The following MYOT variants were observed in gnomAD, a reference collection of about 807,000 sequenced individuals.
MYOT encodes the protein myotilin.
Under a neutral mutation model 58.0 loss-of-function variants are expected in MYOT, and 36 were observed. The ratio of observed to expected loss-of-function variants is 0.62; its 90% CI spans 0.48 to 0.82. The LOEUF is 0.82. MYOT is among the 40% of genes least tolerant of loss of function. The probability of loss-of-function intolerance (pLI) is 0.00; values close to 1 mark genes in which losing one functional copy is unlikely to be tolerated. For missense variants in MYOT, 505 were observed against 592.1 expected (o/e 0.85, Z 1.53); for synonymous variants, 218 against 204.6 (o/e 1.07, Z -0.56).
rs971065325 is a variant in MYOT, at chr5:137,881,675, A to G, written c.684-298A>G. On this transcript the variant is annotated intron_variant, in intron 5 of 9. Transcript: ENST00000239926. Reference sequence around the variant, plus strand: ...ACACCACCACTATAGAAAAACGTCAAAAACTTAATTTGGATATTTTTATTT... The same window carrying G: ...ACACCACCACTATAGAAAAACGTCAGAAACTTAATTTGGATATTTTTATTT... Among the ~76,000 whole-genome samples, 5 of 152,172 alleles carry G rather than the reference A, an allele frequency of 3.3e-5. No individual in the cohort carries two copies. In the East Asian group the frequency reaches 9.6e-4, roughly 29 times the overall value.
chr5:137,884,235 G>A (rs1351166008), intron 7 of MYOT, among the ~76,000 whole-genome samples: 3 of 152,124 alleles, frequency 2.0e-5, no homozygotes, highest in Admixed American at 6.6e-5. Context: ...CACACCTATA[G>A]TCCCAGCTAC....
At chr5:137,883,056 C>A in intron 6 of MYOT, 2 of 282,042 alleles carry the variant, frequency 7.1e-6, no homozygotes, top group South Asian at 3.9e-5. Context: ...CACATTTAGC[C>A]AGAAAAGCAA....
intron 7 of MYOT, 94 bp downstream of exon 7, chr5:137,883,685 A>G: frequency 8.5e-7 from 1 of 1,170,800 alleles, no homozygotes; most frequent in South Asian, 1.3e-5. Flanking sequence ...CAGACTTCAT[A>G]TTTAAGGTTA....
intron 1 of MYOT, among the ~76,000 whole-genome samples, chr5:137,869,040 TCTAAA>T (rs1379865333): frequency 6.7e-6 from 1 of 148,374 alleles, no homozygotes; most frequent in African/African-American, 2.6e-5. Context: ...TTAATTTAAC[TCTAAA>T]CTACATAGGC....
rs1755636973 is a variant in MYOT, at chr5:137,887,367, T to C, written c.1479T>C (p.Tyr493=). The C allele has an allele frequency of 3.1e-6, 5 of 1,613,886 alleles. No homozygotes were observed. The Admixed American group carries it at 8.3e-5, about 27-fold the overall frequency. The change falls in exon 10 of 10, where the codon TAT becomes TAC. Residue 493 remains tyrosine, a synonymous_variant. Coordinates refer to ENST00000239926, the MANE Select transcript of MYOT (RefSeq NM_006790.3). Reference sequence around the variant, plus strand: ...GTTTGGCAGCTCAATCTGGACTCTATGAAAGTGAAGAACTTTAATAACTTT... The same window carrying C: ...GTTTGGCAGCTCAATCTGGACTCTACGAAAGTGAAGAACTTTAATAACTTT... ...FQRLAAQSGL[Y]ESEEL
At chr5:137,877,390 AAT>A in intron 3 of MYOT, 128 bp from the exon 4 acceptor site, 15 of 579,486 alleles carry the variant, frequency 2.6e-5, no homozygotes, top group South Asian at 8.2e-5. Flanking sequence ...AAAAAAAAAA[AAT>A]AGAATCTATC....
rs1288405198 is a variant in MYOT at position 137,886,069 on chromosome 5, C to T, written c.1046C>T (p.Pro349Leu). 1.3e-6 allele frequency: 2 copies of T among 1,599,670 alleles called. No individual in the cohort carries two copies. The highest frequency in any genetic ancestry group is 1.7e-6 in the Non-Finnish European group (2 of 1,168,158). Residue 349 changes from proline to leucine, a missense_variant, in exon 8 of 10, where the codon CCA becomes CTA. Physicochemically the swap from Pro to Leu is moderately conservative, Grantham distance 98. Coordinates refer to ENST00000239926, the MANE Select transcript of MYOT (RefSeq NM_006790.3). ...DVLAKEHKRA[P>L]MFIYKPQSKK... ...ATAGCAAAAGAACATAAAAGAGCACCAATGTTTATCTACAAACCACAGAGC... is the reference window on the plus strand; with the variant it reads ...ATAGCAAAAGAACATAAAAGAGCACTAATGTTTATCTACAAACCACAGAGC...
intron 6 of MYOT, among the ~76,000 whole-genome samples, chr5:137,882,513 A>G (rs571345964): frequency 7.9e-5 from 12 of 152,144 alleles, no homozygotes; most frequent in Admixed American, 6.5e-5. Context: ...CAATGGCACA[A>G]TCGCAGCTCA....
intron 1 of MYOT, among the ~76,000 whole-genome samples, chr5:137,869,190 A>C (rs1754963058): frequency 6.6e-6 from 1 of 152,190 alleles, no homozygotes; most frequent in African/African-American, 2.4e-5. Context: ...GATGACAAAC[A>C]ATTTGGTTAA....
At chr5:137,885,771 CAAAAAAAAAAAAAAAAAAAA>C (rs71583286) in intron 7 of MYOT, among the ~76,000 whole-genome samples, 2 of 30,974 alleles carry the variant, frequency 6.5e-5, no homozygotes, top group Admixed American at 1.1e-3. Flanking sequence ...GACTCTGTCT[CAAAAAAAAAAAAAAAAAAAA>C]AAAAAAAAAA....
intron 2 of MYOT, among the ~76,000 whole-genome samples, chr5:137,874,704 C>T (rs563069409): frequency 2.8e-4 from 42 of 152,184 alleles, no homozygotes; most frequent in Non-Finnish European, 4.1e-4. Flanking sequence ...ACTTTATTTG[C>T]TTTTTTCCAG....
intron 4 of MYOT, among the ~76,000 whole-genome samples, chr5:137,879,990 CA>C (rs1444776008): frequency 5.3e-5 from 8 of 152,092 alleles, no homozygotes; most frequent in Admixed American, 2.0e-4. Flanking sequence ...TTAAAAATGA[CA>C]AAATACATTA....
chr5:137,886,798 G>T, intron 8 of MYOT, 66 bp from the exon 9 acceptor site: 1 of 1,149,836 alleles, frequency 8.7e-7, no homozygotes, highest in Non-Finnish European at 1.3e-6. Flanking sequence ...TCTGACTGTT[G>T]GTCAGAGACA....
rs1172576383 is a variant in MYOT, at chr5:137,877,367, CAAAAAAAAAAAAA to C, written c.532-141_532-129del. Reference sequence around the variant, plus strand: ...TGGGCGACGGAGTAAGACTCCGTCTCAAAAAAAAAAAAAAAAAAAAAAAATAGAATCTATCATT... The same window carrying C: ...TGGGCGACGGAGTAAGACTCCGTCTCAAAAAAAAAAATAGAATCTATCATT... On this transcript the variant is annotated intron_variant, in intron 3 of 9. Transcript: ENST00000239926. Among the ~76,000 whole-genome samples, 39 of 42,110 alleles carry C rather than the reference CAAAAAAAAAAAAA, an allele frequency of 9.3e-4. No individual in the cohort carries two copies. The East Asian group carries it at 0.022, about 24-fold the overall frequency. The allele number at this position is 42,110 out of a possible 152,430, so 27.6% of individuals were successfully genotyped here. A position where few individuals can be genotyped will look rare whatever the true frequency, so the allele number is the denominator to read the frequency against.
intron 2 of MYOT, 68 bp from the exon 3 acceptor site, chr5:137,875,761 C>A: frequency 6.8e-7 from 1 of 1,477,274 alleles, no homozygotes; most frequent in Non-Finnish European, 9.4e-7. Context: ...CTCAACATAT[C>A]TAAAGGTAAT....
intron 3 of MYOT, among the ~76,000 whole-genome samples, chr5:137,877,000 T>C (rs1234768448): frequency 3.3e-5 from 5 of 151,696 alleles, no homozygotes; most frequent in Non-Finnish European, 1.5e-5. Flanking sequence ...TAAGTGAACC[T>C]TTACTGCAAG....
At chr5:137,887,114 T>G (rs1451924687) in intron 9 of MYOT, 99 bp from the exon 10 acceptor site, 1 of 1,562,046 alleles carries the variant, frequency 6.4e-7, no homozygotes, top group African/African-American at 1.4e-5. Flanking sequence ...ATAATCAGTT[T>G]TGGTTCTTTT....
At chr5:137,880,103 T>G (rs1221887454) in intron 4 of MYOT, among the ~76,000 whole-genome samples, 1 of 152,228 alleles carries the variant, frequency 6.6e-6, no homozygotes, top group Non-Finnish European at 1.5e-5. Context: ...TATCTCCCAC[T>G]GTGCTAAGCA....
chr5:137,880,471 A>G (rs1416204815), intron 4 of MYOT: 1 of 219,106 alleles, frequency 4.6e-6, no homozygotes, highest in Non-Finnish European at 9.1e-6. Context: ...GTTTTACTAA[A>G]GGACAATCTG....
Sources: gnomAD v4.1 joint callset for allele counts (sites outside exome capture counted in the v4.1 genomes callset) on GRCh38, gnomAD v4.1.1 for gene constraint, MANE v1.5 for transcripts, NCBI Gene and HGNC (gene_info 2026-07-23, HGNC 2026-07-21) for gene names.